Variants in SCEL observed in about 807,000 individuals in gnomAD.
SCEL encodes the protein sciellin.
Under a neutral mutation model 117.6 loss-of-function variants are expected in SCEL, and 113 were observed. The ratio of observed to expected loss-of-function variants is 0.96; its 90% CI spans 0.83 to 1.12. The LOEUF (loss-of-function observed/expected upper bound fraction) is 1.12, where lower values mean the gene tolerates loss of function less well. SCEL is among the 50% of genes most tolerant of loss of function. The probability of loss-of-function intolerance (pLI) is 0.00; values close to 1 mark genes in which losing one functional copy is unlikely to be tolerated. For missense variants in SCEL, 785 were observed against 810.8 expected, an observed-to-expected ratio of 0.97 and a Z score of 0.39; for synonymous variants, 270 against 256.2, an observed-to-expected ratio of 1.05 and a Z score of -0.51.
At chr13:77,554,733 T>TC (rs2084550821) in intron 1 of SCEL, among the ~76,000 whole-genome samples, 1 of 152,196 alleles carries the variant, frequency 6.6e-6, no homozygotes, top group African/African-American at 2.4e-5. Flanking sequence ...GCAGGGAGGT[T>TC]AAGTGGTTCA....
intron 9 of SCEL, among the ~76,000 whole-genome samples, chr13:77,582,891 G>A (rs996859633): frequency 3.9e-5 from 6 of 152,082 alleles, no homozygotes; most frequent in Admixed American, 6.6e-5. Context: ...GAGTAGACTC[G>A]TTAGTAATGC....
chr13:77,631,785 A>G (rs2090032648), intron 28 of SCEL, among the ~76,000 whole-genome samples: 1 of 152,220 alleles, frequency 6.6e-6, no homozygotes, highest in Admixed American at 6.5e-5. Flanking sequence ...ATTGTCATTA[A>G]TCACATTATA....
chr13:77,560,655 A>T (rs1006359774), intron 4 of SCEL, among the ~76,000 whole-genome samples: 2 of 152,216 alleles, frequency 1.3e-5, no homozygotes, highest in African/African-American at 2.4e-5. Flanking sequence ...TTAAGACAAA[A>T]CAGTAATCAC....
At chr13:77,611,908 A>G (rs942553281) in intron 22 of SCEL, among the ~76,000 whole-genome samples, 1 of 152,080 alleles carries the variant, frequency 6.6e-6, no homozygotes. Flanking sequence ...TTTTTTCTTC[A>G]TTGTTAAATC....
chr13:77,585,607 C>T (rs1262458474), intron 9 of SCEL, among the ~76,000 whole-genome samples: 4 of 152,224 alleles, frequency 2.6e-5, no homozygotes, highest in East Asian at 1.9e-4. Flanking sequence ...CCATCACCCA[C>T]GGCCTCACCA....
rs1460460046 is a variant in SCEL, at chr13:77,618,140, C to CCCTCCCTT, written c.1628+89_1628+96dup. 3.8e-6 allele frequency: 4 copies of CCCTCCCTT among 1,039,006 alleles called. No homozygotes were observed. In the East Asian group the frequency reaches 7.1e-5, roughly 18 times the overall value. The allele number at this position is 1,039,006 out of a possible 1,614,324, so 64.4% of individuals were successfully genotyped here. On this transcript the variant is annotated intron_variant, in intron 27 of 32. Transcript: ENST00000349847. ...TCCCTCCCTCCTTGCCTCCCTGCCTCCCTCCCTTCCTCCCTTACTCCTTTC... is the reference window on the plus strand; with the variant it reads ...TCCCTCCCTCCTTGCCTCCCTGCCTCCCTCCCTTCCTCCCTTCCTCCCTTACTCCTTTC...
intron 27 of SCEL, among the ~76,000 whole-genome samples, chr13:77,618,925 C>T (rs2089252762): frequency 6.6e-6 from 1 of 152,074 alleles, no homozygotes; most frequent in Admixed American, 6.6e-5. Flanking sequence ...CAATTTTAAC[C>T]ATAAGCTTCC....
At chr13:77,545,258 G>A (rs985975135) in intron 1 of SCEL, among the ~76,000 whole-genome samples, 3 of 152,166 alleles carry the variant, frequency 2.0e-5, no homozygotes, top group Non-Finnish European at 4.4e-5. Flanking sequence ...CTGAAACGTG[G>A]CACTTAGAAA....
chr13:77,622,263 T>C (rs973527223), intron 27 of SCEL, among the ~76,000 whole-genome samples: 1 of 152,164 alleles, frequency 6.6e-6, no homozygotes, highest in Non-Finnish European at 1.5e-5. Flanking sequence ...GAGAAACATA[T>C]TGCTGCCTAT....
At chr13:77,601,253 A>G (rs950308327) in intron 15 of SCEL, among the ~76,000 whole-genome samples, 18 of 152,152 alleles carry the variant, frequency 1.2e-4, no homozygotes, top group Non-Finnish European at 2.4e-4. Context: ...TAAGTAGATC[A>G]TTTTGTGGGC....
At chr13:77,561,504 C>G (rs1396156150) in intron 4 of SCEL, among the ~76,000 whole-genome samples, 3 of 152,158 alleles carry the variant, frequency 2.0e-5, no homozygotes, top group Non-Finnish European at 4.4e-5. Context: ...TTATTTTTCT[C>G]CTGGTACTTG....
Position 77,602,047 on chromosome 13 carries a change from T to TC in SCEL, c.918-13dup. 2 of 1,594,020 alleles carry TC rather than the reference T, an allele frequency of 1.3e-6. No homozygotes were observed. The highest frequency in any genetic ancestry group is 1.7e-6 in the Non-Finnish European group (2 of 1,172,592). Reference sequence around the variant, plus strand: ...CCTCACTCTCTCTTTCTCTTTCTTTTCCCCCAATGTTGTAAAGAATCCAAA... The same window carrying TC: ...CCTCACTCTCTCTTTCTCTTTCTTTTCCCCCCAATGTTGTAAAGAATCCAAA... On this transcript the variant is annotated splice_polypyrimidine_tract_variant and intron_variant, in intron 15 of 32. Transcript: ENST00000349847.
intron 1 of SCEL, among the ~76,000 whole-genome samples, chr13:77,536,461 GA>G (rs1404301180): frequency 6.6e-6 from 1 of 152,112 alleles, no homozygotes; most frequent in Non-Finnish European, 1.5e-5. Flanking sequence ...TCCTCACAGG[GA>G]TCTGTGGGCA....
intron 27 of SCEL, among the ~76,000 whole-genome samples, chr13:77,622,225 TA>T (rs2089461434): frequency 6.6e-6 from 1 of 152,336 alleles, no homozygotes; most frequent in East Asian, 1.9e-4. Context: ...TGATACTCTA[TA>T]AAAACAATTT....
intron 9 of SCEL, among the ~76,000 whole-genome samples, chr13:77,576,067 C>T (rs1278268241): frequency 6.6e-6 from 1 of 152,196 alleles, no homozygotes; most frequent in East Asian, 1.9e-4. Context: ...ATAGCCTAAT[C>T]TTACAAACCT....
At chr13:77,603,372 GAGTA>G (rs958325413) in intron 18 of SCEL, among the ~76,000 whole-genome samples, 31 of 152,188 alleles carry the variant, frequency 2.0e-4, no homozygotes, top group Admixed American at 1.3e-4. Flanking sequence ...TTTGTCTTCA[GAGTA>G]AGTGACTGAA....
At chr13:77,609,738 A>G (rs566842508) in intron 21 of SCEL, among the ~76,000 whole-genome samples, 1 of 152,328 alleles carries the variant, frequency 6.6e-6, no homozygotes, top group East Asian at 1.9e-4. Context: ...CTGGAATAAT[A>G]ATACTTCCTA....
At chr13:77,560,667 A>G (rs554396069) in intron 4 of SCEL, among the ~76,000 whole-genome samples, 16 of 152,360 alleles carry the variant, frequency 1.1e-4, no homozygotes, top group African/African-American at 3.4e-4. Context: ...AGTAATCACA[A>G]TGATACAAAT....
chr13:77,609,945 T>C, intron 21 of SCEL, 102 bp from the exon 22 acceptor site: 1 of 605,616 alleles, frequency 1.7e-6, no homozygotes, highest in South Asian at 3.7e-5. Context: ...AATTTTATTA[T>C]TTTAATAAAT....
Sources: gnomAD v4.1 joint callset for allele counts (sites outside exome capture counted in the v4.1 genomes callset) on GRCh38, gnomAD v4.1.1 for gene constraint, MANE v1.5 for transcripts, NCBI Gene and HGNC (gene_info 2026-07-23, HGNC 2026-07-21) for gene names.